Variants in FAM53B observed in about 807,000 individuals in gnomAD.
FAM53B encodes protein FAM53B.
In FAM53B, 12 loss-of-function variants were observed where a neutral mutation model predicts 32.7. The observed-to-expected ratio is 0.37, with a 90% CI of 0.24 to 0.59. The LOEUF (loss-of-function observed/expected upper bound fraction) is 0.59, where lower values mean the gene tolerates loss of function less well. Ranked by LOEUF, FAM53B falls within the 20% of genes least tolerant of loss-of-function variation. The pLI is 0.72. For synonymous variants in FAM53B, 234 were observed against 228.7 expected (o/e 1.02, Z -0.21); for missense variants, 477 against 577.7 (o/e 0.83, Z 1.79).
intron 1 of FAM53B, among the ~76,000 whole-genome samples, chr10:124,720,111 C>T (rs1169278443): frequency 2.0e-5 from 3 of 150,270 alleles, no homozygotes; most frequent in Non-Finnish European, 4.4e-5. Flanking sequence ...TGCAGTGAGC[C>T]GAGATCGCGC....
chr10:124,737,441 G>A (rs145236446), intron 1 of FAM53B, among the ~76,000 whole-genome samples: 6 of 152,298 alleles, frequency 3.9e-5, no homozygotes, highest in Middle Eastern at 3.4e-3. Flanking sequence ...AACTCTGTGA[G>A]CAATGATCAA....
chr10:124,679,499 C>A (rs1949755479), intron 4 of FAM53B, among the ~76,000 whole-genome samples: 1 of 152,224 alleles, frequency 6.6e-6, no homozygotes, highest in South Asian at 2.1e-4. Context: ...GGCTAGAAAT[C>A]ATCTGATGGC....
Position 124,623,101 on chromosome 10 carries a change from G to C in FAM53B, c.*141C>G. ...AGGCTCTCCCCCAGGCAGCAGGTGG[G>C]CTCCCTCTCTGGGACCCGACACCAC... is the stretch of plus-strand genomic sequence containing the variant. On this transcript the variant is annotated 3_prime_UTR_variant, in exon 5 of 5. Transcript: ENST00000337318. The C allele has an allele frequency of 8.8e-7, 1 of 1,138,040 alleles. No homozygotes were observed. Among genetic ancestry groups the C allele is most frequent in the Non-Finnish European group, 1.2e-6 (1 of 812,336 alleles). The allele number at this position is 1,138,040 out of a possible 1,614,324, so 70.5% of individuals were successfully genotyped here.
rs542806705 is a variant in FAM53B at position 124,620,480 on chromosome 10, G to A, written c.*2762C>T. ...TCCTCAGTCTCCCCTCAGAGGCAGG[G>A]TTTGTGGGCAAGGCTGTGACAAAAG... On this transcript the variant is annotated 3_prime_UTR_variant, in exon 5 of 5. Coordinates refer to ENST00000337318, the MANE Select transcript of FAM53B (RefSeq NM_014661.4). 6.6e-6 allele frequency: 1 copy of A among 152,426 alleles called. No individual in the cohort carries two copies. The highest frequency in any genetic ancestry group is 2.4e-5 in the African/African-American group (1 of 41,580). 9.4% of individuals were successfully genotyped at this position (152,426 alleles called of 1,614,324 possible).
chr10:124,706,429 ATCTGAGCTGAGTT>A (rs1949958916), intron 2 of FAM53B, among the ~76,000 whole-genome samples, 194 bp downstream of exon 2: 1 of 152,054 alleles, frequency 6.6e-6, no homozygotes, highest in South Asian at 2.1e-4. Context: ...ATGACCTCAA[ATCTGAGCTGAGTT>A]CCTTCCTTCC....
rs557556502 is a variant in FAM53B at position 124,692,114 on chromosome 10, G to A, written c.133+4044C>T. Among the ~76,000 whole-genome samples, 366 of 152,342 alleles carry A rather than the reference G, an allele frequency of 2.4e-3. 3 individuals carry two copies. The highest frequency in any genetic ancestry group is 8.5e-3 in the African/African-American group (354 of 41,582). On this transcript the variant is annotated intron_variant, in intron 3 of 4. Transcript: ENST00000337318. ...TGGGGATGCTCTGGAAGATGAGAAA[G>A]GAAGCCAAGAGTCAAAACAGCCTCC...
At chr10:124,666,627 C>T (rs1004347203) in intron 4 of FAM53B, among the ~76,000 whole-genome samples, 6 of 152,218 alleles carry the variant, frequency 3.9e-5, no homozygotes, top group African/African-American at 1.4e-4. Context: ...TGTATCACCC[C>T]GTCTCCCACC....
At chr10:124,703,602 G>A (rs892045898) in intron 2 of FAM53B, 1 of 152,402 alleles carries the variant, frequency 6.6e-6, no homozygotes, top group African/African-American at 2.4e-5. Context: ...TGAGCAATGA[G>A]AAAGCCCATC....
At chr10:124,684,538 G>C (rs1433749323) in intron 3 of FAM53B, among the ~76,000 whole-genome samples, 3 of 151,836 alleles carry the variant, frequency 2.0e-5, no homozygotes, top group Admixed American at 6.6e-5. Context: ...ATTTTTTTTT[G>C]AGACAGGACC....
chr10:124,630,090 C>G (rs1281905311), intron 4 of FAM53B, among the ~76,000 whole-genome samples: 1 of 152,226 alleles, frequency 6.6e-6, no homozygotes, highest in East Asian at 1.9e-4. Flanking sequence ...GCTGCTCGCC[C>G]AGGGCCGTGT....
In FAM53B at chr10:124,709,933, C is replaced by A. The variant is rs551211270; in HGVS notation, c.-174-3046G>T. Among the ~76,000 whole-genome samples, 11 of 152,280 alleles carry A rather than the reference C, an allele frequency of 7.2e-5. No individual in the cohort carries two copies. The South Asian group carries it at 2.3e-3, about 32-fold the overall frequency. ...TGACAGTTCCGGAGAGGAACCACGT[C>A]CAACCCTATGTGAGGTTTGAATATT... On this transcript the variant is annotated intron_variant, in intron 1 of 4. Transcript: ENST00000337318.
At chr10:124,678,635 C>T (rs1010521746) in intron 4 of FAM53B, among the ~76,000 whole-genome samples, 2 of 152,226 alleles carry the variant, frequency 1.3e-5, no homozygotes. Flanking sequence ...CTGGAATGGA[C>T]AAGCTCTGAG....
intron 4 of FAM53B, among the ~76,000 whole-genome samples, chr10:124,674,082 G>A (rs934038794): frequency 1.3e-5 from 2 of 152,206 alleles, no homozygotes; most frequent in Non-Finnish European, 2.9e-5. Context: ...TCTACCACGT[G>A]GCAATAAGGC....
At chr10:124,696,873 T>C (rs1949876347) in intron 2 of FAM53B, among the ~76,000 whole-genome samples, 1 of 152,042 alleles carries the variant, frequency 6.6e-6, no homozygotes, top group East Asian at 1.9e-4. Flanking sequence ...TCCACAATGG[T>C]TTCCCTTTCC....
chr10:124,705,714 T>G (rs1949952510), intron 2 of FAM53B: 1 of 152,330 alleles, frequency 6.6e-6, no homozygotes, highest in Non-Finnish European at 1.5e-5. Context: ...GCGGAAAGAA[T>G]ACAGATCTCG....
chr10:124,706,723 C>T lies in FAM53B; in HGVS notation c.-10G>A. On this transcript the variant is annotated 5_prime_UTR_variant, in exon 2 of 5. Coordinates refer to ENST00000337318, the MANE Select transcript of FAM53B (RefSeq NM_014661.4). ...TTAGGACCATCACCATGATAAGGGCCTCAGGCGCTGGGCTCCATCCCAGGG... is the reference window on the plus strand; with the variant it reads ...TTAGGACCATCACCATGATAAGGGCTTCAGGCGCTGGGCTCCATCCCAGGG... 2 of 1,614,104 alleles carry T rather than the reference C, an allele frequency of 1.2e-6. No individual in the cohort carries two copies. Among genetic ancestry groups the T allele is most frequent in the Non-Finnish European group, 1.7e-6 (2 of 1,180,000 alleles).
intron 4 of FAM53B, among the ~76,000 whole-genome samples, chr10:124,647,472 C>T (rs1351845624): frequency 1.3e-5 from 2 of 152,202 alleles, no homozygotes; most frequent in East Asian, 3.8e-4. Flanking sequence ...TGTAGACAGG[C>T]AGGCAAGAGA....
chr10:124,740,877 G>A (rs1267370928), intron 1 of FAM53B, among the ~76,000 whole-genome samples: 1 of 152,198 alleles, frequency 6.6e-6, no homozygotes, highest in Non-Finnish European at 1.5e-5. Context: ...GTCCAGCAGA[G>A]CTAAGCTTCG....
chr10:124,662,351 T>C (rs962150816), intron 4 of FAM53B, among the ~76,000 whole-genome samples: 6 of 152,238 alleles, frequency 3.9e-5, no homozygotes, highest in African/African-American at 1.4e-4. Flanking sequence ...GTATCATCAA[T>C]GGAGGAGCTG....
Sources: allele counts gnomAD v4.1 joint callset (sites outside exome capture counted in the v4.1 genomes callset), GRCh38; gene constraint gnomAD v4.1.1; transcripts MANE v1.5; gene names NCBI Gene and HGNC (gene_info 2026-07-23, HGNC 2026-07-21).